The following GC variants were observed in gnomAD, a reference collection of about 807,000 sequenced individuals.
GC encodes the protein GC vitamin D binding protein, also known as vitamin D-binding protein.
A neutral mutation model predicts 56.7 loss-of-function variants in GC; 43 were observed. That is an observed-to-expected ratio of 0.76 (90% confidence interval 0.59 to 0.98). The LOEUF is 0.98. Ranked by LOEUF, GC falls within the 50% of genes least tolerant of loss-of-function variation. GC has a pLI of 0.00. For missense variants in GC, 529 were observed against 545.9 expected (o/e 0.97, Z 0.31); for synonymous variants, 216 against 202.7 (o/e 1.07, Z -0.56).
chr4:71,779,585 G>T (rs1186219247), intron 1 of GC, among the ~76,000 whole-genome samples: 3 of 151,748 alleles, frequency 2.0e-5, no homozygotes, highest in Non-Finnish European at 1.5e-5. Flanking sequence ...AGAAGCAATG[G>T]GTAGAATGAA....
rs947320192 is a variant in GC, at chr4:71,742,867, G to A, written c.*26-997C>T. 2.6e-5 allele frequency among the ~76,000 whole-genome samples: 4 copies of A among 152,164 alleles called. 1 individual carries two copies. Among genetic ancestry groups the A allele is most frequent in the Admixed American group, 6.5e-5 (1 of 15,274 alleles). Reference sequence around the variant, plus strand: ...CGGGCAACTGTAGTCCCAGCTCCTCGGGTGGCTGAGGCAGGAGAATGGTGT... The same window carrying A: ...CGGGCAACTGTAGTCCCAGCTCCTCAGGTGGCTGAGGCAGGAGAATGGTGT... On this transcript the variant is annotated intron_variant, in intron 12 of 12. Transcript: ENST00000273951.
chr4:71,799,488 A>G (rs1346692197), intron 1 of GC, among the ~76,000 whole-genome samples: 1 of 152,150 alleles, frequency 6.6e-6, no homozygotes, highest in Non-Finnish European at 1.5e-5. Context: ...AACCTTGGGC[A>G]TGACACTGCT....
chr4:71,777,301 T>C, intron 1 of GC, among the ~76,000 whole-genome samples: 1 of 151,838 alleles, frequency 6.6e-6, no homozygotes, highest in East Asian at 1.9e-4. Flanking sequence ...CTCAATGCTA[T>C]TTTGTGTTAA....
chr4:71,761,136 A>G (rs1741960215), intron 6 of GC, among the ~76,000 whole-genome samples: 1 of 152,174 alleles, frequency 6.6e-6, no homozygotes, highest in African/African-American at 2.4e-5. Flanking sequence ...AGACTTGTTG[A>G]ATGGCTTTGC....
intron 1 of GC, among the ~76,000 whole-genome samples, chr4:71,800,589 A>G (rs956347731): frequency 2.6e-5 from 4 of 152,304 alleles, no homozygotes; most frequent in Admixed American, 6.5e-5. Flanking sequence ...TCCTTTGGGT[A>G]TATACCCAGT....
chr4:71,758,508 A>G (rs762031035), intron 6 of GC, among the ~76,000 whole-genome samples: 1 of 152,198 alleles, frequency 6.6e-6, no homozygotes, highest in Non-Finnish European at 1.5e-5. Flanking sequence ...CCAATGTTGT[A>G]TTTTTGTGGC....
intron 12 of GC, among the ~76,000 whole-genome samples, chr4:71,745,904 T>A (rs1225290290): frequency 2.0e-5 from 3 of 152,014 alleles, no homozygotes; most frequent in African/African-American, 7.2e-5. Flanking sequence ...CATGTGAGAT[T>A]ATGATGGATG....
chr4:71,805,180 A>C (rs1332220992), upstream of GC, among the ~76,000 whole-genome samples: 1 of 152,124 alleles, frequency 6.6e-6, no homozygotes, highest in African/African-American at 2.4e-5. Flanking sequence ...TGAGCCTGGG[A>C]AACCCAGGCT....
intron 1 of GC, among the ~76,000 whole-genome samples, chr4:71,798,695 T>C (rs1429272411): frequency 2.0e-5 from 3 of 152,216 alleles, no homozygotes; most frequent in Non-Finnish European, 4.4e-5. Flanking sequence ...CTTTCTTTAT[T>C]AGTGTATTAA....
intron 1 of GC, among the ~76,000 whole-genome samples, chr4:71,779,981 A>C (rs1401574495): frequency 1.3e-5 from 2 of 151,886 alleles, no homozygotes; most frequent in Non-Finnish European, 2.9e-5. Context: ...TTAAAGCAAA[A>C]AGGAAAATGT....
intron 6 of GC, 66 bp downstream of exon 6, chr4:71,763,342 C>A: frequency 1.3e-6 from 1 of 751,772 alleles, no homozygotes; most frequent in Non-Finnish European, 2.2e-6. Context: ...TTAAAAAAAC[C>A]CTAATATTAT....
chr4:71,774,833 G>T (rs919846866), intron 1 of GC, among the ~76,000 whole-genome samples: 1 of 151,834 alleles, frequency 6.6e-6, no homozygotes, highest in East Asian at 1.9e-4. Context: ...ATGAAAAATT[G>T]TACTTTAACT....
intron 8 of GC, among the ~76,000 whole-genome samples, chr4:71,755,514 G>C (rs908460134): frequency 4.6e-5 from 7 of 152,080 alleles, no homozygotes; most frequent in African/African-American, 9.7e-5. Context: ...CCTGGTTTCT[G>C]CATCTTAATT....
intron 3 of GC, 120 bp downstream of exon 3, chr4:71,768,181 T>A (rs972847269): frequency 1.9e-5 from 14 of 723,630 alleles, no homozygotes; most frequent in Non-Finnish European, 3.1e-5. Context: ...GGCTTCATAT[T>A]TCCCCCAAAC....
intron 1 of GC, among the ~76,000 whole-genome samples, chr4:71,772,066 C>G (rs762479132): frequency 3.3e-5 from 5 of 152,054 alleles, no homozygotes; most frequent in Admixed American, 6.6e-5. Context: ...TTGTAAATAT[C>G]AAAATAGATT....
upstream of GC, among the ~76,000 whole-genome samples, chr4:71,805,175 C>T (rs549289276): frequency 6.6e-6 from 1 of 152,070 alleles, no homozygotes; most frequent in Non-Finnish European, 1.5e-5. Context: ...TTAATTGAGC[C>T]TGGGAAACCC....
rs924459682 is a variant in GC, at chr4:71,756,650, C to G, written c.1034+62G>C. 10 of 1,118,696 alleles carry G rather than the reference C, an allele frequency of 8.9e-6. No individual in the cohort carries two copies. The African/African-American group carries it at 1.5e-4, about 17-fold the overall frequency. The allele number at this position is 1,118,696 out of a possible 1,614,324, so 69.3% of individuals were successfully genotyped here. ...GCATACCTTCCCTCCATCTGGCTGG[C>G]CCCCACTTTTTGTCCAGATGAACTT... On this transcript the variant is annotated intron_variant, in intron 8 of 12. Transcript: ENST00000273951.
intron 9 of GC, 108 bp from the exon 10 acceptor site, chr4:71,754,616 A>G (rs1741656978): frequency 1.4e-6 from 1 of 696,754 alleles, no homozygotes; most frequent in African/African-American, 1.8e-5. Context: ...ATTGGCAACT[A>G]TTTTCTACAG....
At chr4:71,758,271 C>A in intron 6 of GC, 100 bp from the exon 7 acceptor site, 1 of 1,047,254 alleles carries the variant, frequency 9.5e-7, no homozygotes, top group South Asian at 1.5e-5. Context: ...ACAATTTCAC[C>A]TCCTTGGCCT....
Sources: allele counts gnomAD v4.1 joint callset (sites outside exome capture counted in the v4.1 genomes callset), GRCh38; gene constraint gnomAD v4.1.1; transcripts MANE v1.5; gene names NCBI Gene and HGNC (gene_info 2026-07-23, HGNC 2026-07-21).